The following MLKL variants were observed in gnomAD, a reference collection of about 807,000 sequenced individuals.
MLKL encodes the protein mixed lineage kinase domain-like protein.
Under a neutral mutation model 56.5 loss-of-function variants are expected in MLKL, and 55 were observed. The observed-to-expected ratio is 0.97, with a 90% CI of 0.78 to 1.22. MLKL has a LOEUF of 1.22. MLKL is among the 50% of genes most tolerant of loss of function. The pLI is 0.00. For synonymous variants in MLKL, 251 were observed against 208.3 expected (o/e 1.20, Z -1.76); for missense variants, 694 against 573.9 (o/e 1.21, Z -2.14).
intron 4 of MLKL, among the ~76,000 whole-genome samples, chr16:74,689,115 T>C (rs1780577456): frequency 1.3e-5 from 2 of 150,896 alleles, no homozygotes; most frequent in Non-Finnish European, 2.9e-5. Context: ...TTTTTTCTTT[T>C]TTTTTTCTTT....
intron 2 of MLKL, among the ~76,000 whole-genome samples, chr16:74,693,486 A>AAAGAAAGT (rs1960814399): frequency 6.7e-6 from 1 of 149,314 alleles, no homozygotes; most frequent in African/African-American, 2.5e-5. Context: ...AAAAAGAAAG[A>AAAGAAAGT]AAGAAAGAAA....
intron 5 of MLKL, 149 bp from the exon 6 acceptor site, chr16:74,682,935 C>A (rs543360700): frequency 1.3e-5 from 12 of 909,478 alleles, no homozygotes; most frequent in Non-Finnish European, 2.0e-5. Context: ...AGTTTTGGTC[C>A]CCGGCCTCCT....
At chr16:74,692,281 A>G in intron 3 of MLKL, 61 bp downstream of exon 3, 1 of 1,460,196 alleles carries the variant, frequency 6.8e-7, no homozygotes, top group Non-Finnish European at 9.5e-7. Context: ...CTGGGGTCCC[A>G]GTAAACTGAT....
intron 5 of MLKL, among the ~76,000 whole-genome samples, chr16:74,683,310 G>A (rs1375389677): frequency 1.6e-5 from 2 of 128,482 alleles, no homozygotes; most frequent in Non-Finnish European, 3.3e-5. Flanking sequence ...AAAAAAAAAT[G>A]TTCTGCCAGG....
At chr16:74,679,251 G>A (rs374776446) in intron 6 of MLKL, among the ~76,000 whole-genome samples, 3 of 152,302 alleles carry the variant, frequency 2.0e-5, no homozygotes, top group South Asian at 4.1e-4. Flanking sequence ...GAAGGACAAC[G>A]TTGCCTCTGT....
In MLKL at chr16:74,672,226, A is replaced by C. The variant is rs930078519; in HGVS notation, c.*278T>G. On this transcript the variant is annotated 3_prime_UTR_variant, in exon 11 of 11. Coordinates refer to ENST00000308807, the MANE Select transcript of MLKL (RefSeq NM_152649.4). The stretch of plus-strand genomic sequence containing the variant: ...AGAGACTTCATTTATGGAAGGGAGG[A>C]GCTGCAAATTTCATTGCCAAGAGGT... 4 of 331,956 alleles carry C rather than the reference A, an allele frequency of 1.2e-5. No individual in the cohort carries two copies. The highest frequency in any genetic ancestry group is 8.4e-5 in the African/African-American group (4 of 47,836). The allele number at this position is 331,956 out of a possible 1,614,324, so 20.6% of individuals were successfully genotyped here. A position where few individuals can be genotyped will look rare whatever the true frequency, so the allele number is the denominator to read the frequency against.
At chr16:74,679,084 C>A in intron 6 of MLKL, 104 bp from the exon 7 acceptor site, 1 of 841,270 alleles carries the variant, frequency 1.2e-6, no homozygotes, top group South Asian at 1.5e-5. Context: ...ACCATGGGTG[C>A]CTGTCCACAG....
Position 74,695,736 on chromosome 16 carries a change from T to C in MLKL, c.22A>G (p.Ile8Val), listed in dbSNP as rs745946446. 6.3e-7 allele frequency: 1 copy of C among 1,591,936 alleles called. No homozygotes were observed. Among genetic ancestry groups the C allele is most frequent in the Admixed American group, 1.8e-5 (1 of 55,436 alleles). Residue 8 changes from isoleucine to valine, a missense_variant, in exon 2 of 11, where the codon ATC (isoleucine) becomes GTC (valine). By Grantham distance (29) the Ile-to-Val change is conservative. Transcript: ENST00000308807. MENLKHIITLGQVIHKRC... is the reference protein window; with the variant it reads MENLKHIVTLGQVIHKRC... ...TTGTGGATGACCTGGCCAAGGGTGA[T>C]AATATGCTTCAAATTTTCCATGCCT...
At chr16:74,681,569 G>A (rs1246891781) in intron 6 of MLKL, among the ~76,000 whole-genome samples, 1 of 151,798 alleles carries the variant, frequency 6.6e-6, no homozygotes, top group Non-Finnish European at 1.5e-5. Context: ...CGAGACAGGT[G>A]GATCATGAGG....
chr16:74,673,952 T>TAAAAAAA (rs5817923), intron 10 of MLKL, among the ~76,000 whole-genome samples: 168 of 104,642 alleles, frequency 1.6e-3, no homozygotes, highest in African/African-American at 5.0e-3. Context: ...ACCTCCTCTC[T>TAAAAAAA]AAAAAAAAAA....
chr16:74,675,366 A>G lies in MLKL; in HGVS notation c.1229T>C (p.Ile410Thr). The change falls in exon 9 of 11, where the codon ATC becomes ACC. Residue 410 changes from isoleucine (I) to threonine (T), a missense_variant. Physicochemically the swap from Ile to Thr is moderately conservative, Grantham distance 89 (BLOSUM62 -1). Transcript: ENST00000308807. ...TTCACATTCTTCACCTTGAAACGGG[A>G]TATCTCCAGTGGCGATTTCCCAGAG... ...IVLWEIATGD[I>T]PFQGCNSEKI... 1.2e-6 allele frequency: 2 copies of G among 1,614,156 alleles called. No individual in the cohort carries two copies. Among genetic ancestry groups the G allele is most frequent in the East Asian group, 2.2e-5 (1 of 44,882 alleles).
intron 3 of MLKL, 136 bp downstream of exon 3, chr16:74,692,206 C>A: frequency 1.3e-6 from 1 of 764,516 alleles, no homozygotes; most frequent in South Asian, 1.7e-5. Flanking sequence ...AATGGATCCC[C>A]AAACCTGTGG....
At chr16:74,699,329 T>C (rs985688763) in intron 1 of MLKL, among the ~76,000 whole-genome samples, 2 of 152,186 alleles carry the variant, frequency 1.3e-5, no homozygotes, top group Admixed American at 6.5e-5. Flanking sequence ...TAAAGTTCAT[T>C]TGAAATGGGA....
chr16:74,694,608 T>G (rs1236618705), intron 2 of MLKL, among the ~76,000 whole-genome samples: 1 of 151,898 alleles, frequency 6.6e-6, no homozygotes, highest in East Asian at 1.9e-4. Flanking sequence ...CTACAAAAAA[T>G]AAAATAAAAA....
intron 2 of MLKL, among the ~76,000 whole-genome samples, chr16:74,694,029 G>A (rs1434411444): frequency 6.6e-6 from 1 of 152,138 alleles, no homozygotes; most frequent in African/African-American, 2.4e-5. Flanking sequence ...CAAAACAGTA[G>A]GGTAGATGCC....
At chr16:74,673,952 T>TAAAAAAAAAAAAAAAAAAACAAAA in intron 10 of MLKL, among the ~76,000 whole-genome samples, 1 of 104,672 alleles carries the variant, frequency 9.6e-6, no homozygotes, top group Non-Finnish European at 1.8e-5. Flanking sequence ...ACCTCCTCTC[T>TAAAAAAAAAAAAAAAAAAACAAAA]AAAAAAAAAA....
intron 3 of MLKL, among the ~76,000 whole-genome samples, chr16:74,692,013 A>C (rs1407008082): frequency 1.3e-5 from 2 of 152,238 alleles, no homozygotes; most frequent in African/African-American, 4.8e-5. Flanking sequence ...TTGTTGAATG[A>C]ATGAATGAGT....
chr16:74,687,589 G>C (rs1396012292), intron 4 of MLKL, among the ~76,000 whole-genome samples: 1 of 152,098 alleles, frequency 6.6e-6, no homozygotes, highest in Non-Finnish European at 1.5e-5. Flanking sequence ...AGACAGTATA[G>C]TGCTATCATA....
At position 74,685,511 on chromosome 16, in the gene MLKL, T is replaced by C. The variant is rs1464871865; in HGVS notation, c.795A>G (p.Ile265Met). 5.0e-6 allele frequency: 8 copies of C among 1,613,904 alleles called. 2 individuals carry two copies. The South Asian group carries it at 7.7e-5, about 16-fold the overall frequency. Residue 265 changes from isoleucine to methionine, a missense_variant, in exon 5 of 11, where the codon ATA becomes ATG. Transcript: ENST00000308807. ...KKFESPNILR[I>M]FGICIDETVT... ...CTGTTTCATCAATGCAAATCCCAAA[T>C]ATACGCAGGATGTTGGGAGATTCGA...
Sources: allele counts gnomAD v4.1 joint callset (sites outside exome capture counted in the v4.1 genomes callset), GRCh38; gene constraint gnomAD v4.1.1; transcripts MANE v1.5; gene names NCBI Gene and HGNC (gene_info 2026-07-23, HGNC 2026-07-21).